MTHFS: variants seen among roughly 807,000 people sequenced by gnomAD.
The protein encoded by MTHFS is 5-formyltetrahydrofolate cyclo-ligase.
MTHFS carries 7 observed loss-of-function variants against 12.7 expected under a neutral mutation model. The observed-to-expected ratio is 0.55, with a 90% CI of 0.31 to 1.03. The LOEUF (loss-of-function observed/expected upper bound fraction) is 1.03, where lower values mean the gene tolerates loss of function less well. MTHFS is among the 50% of genes least tolerant of loss of function. MTHFS has a pLI of 0.05. For synonymous variants in MTHFS, 100 were observed against 97.1 expected, an observed-to-expected ratio of 1.03 and a Z score of -0.18; for missense variants, 252 against 258.1, an observed-to-expected ratio of 0.98 and a Z score of 0.16.
intron 2 of MTHFS, among the ~76,000 whole-genome samples, chr15:79,848,555 GA>G (rs1364851831): frequency 2.6e-5 from 4 of 152,158 alleles, no homozygotes; most frequent in Non-Finnish European, 5.9e-5. Flanking sequence ...GAAGCCAAGA[GA>G]ATAGTCAGGA....
chr15:79,874,512 G>C (rs555234476), intron 2 of MTHFS, among the ~76,000 whole-genome samples: 1 of 152,198 alleles, frequency 6.6e-6, no homozygotes, highest in African/African-American at 2.4e-5. Context: ...GCATTGTCAG[G>C]TCTTATCTTT....
chr15:79,896,766 CGCCTA>C, intron 1 of MTHFS, 101 bp downstream of exon 1: 1 of 1,372,340 alleles, frequency 7.3e-7, no homozygotes, highest in Non-Finnish European at 9.5e-7. Context: ...GGTGGGGGGG[CGCCTA>C]GCCCAGCGCC....
At chr15:79,849,655 G>A (rs655473) in intron 2 of MTHFS, among the ~76,000 whole-genome samples, 142,637 of 152,328 alleles carry the variant, frequency 0.94, 67,302 homozygotes, top group East Asian at 1. Context: ...TTTTCAAATC[G>A]CCAAAGACTC....
intron 1 of MTHFS, among the ~76,000 whole-genome samples, chr15:79,893,131 G>A (rs1455348025): frequency 3.9e-5 from 6 of 152,170 alleles, no homozygotes; most frequent in Non-Finnish European, 7.4e-5. Context: ...CTGGCCAGGC[G>A]TGGTGGCTCA....
At chr15:79,875,922 A>G (rs751567911) in intron 2 of MTHFS, 1 of 152,168 alleles carries the variant, frequency 6.6e-6, no homozygotes, top group African/African-American at 2.4e-5. Context: ...AGAAACAATC[A>G]TTGGCTCACC....
At chr15:79,874,954 C>T (rs1193604037) in intron 2 of MTHFS, among the ~76,000 whole-genome samples, 1 of 151,976 alleles carries the variant, frequency 6.6e-6, no homozygotes, top group Admixed American at 6.6e-5. Context: ...GCTTTACGAA[C>T]AATTTGTGCA....
intron 1 of MTHFS, among the ~76,000 whole-genome samples, chr15:79,892,766 C>T (rs970653249): frequency 1.3e-5 from 2 of 151,486 alleles, no homozygotes; most frequent in Admixed American, 6.6e-5. Context: ...TCCTGGCCAA[C>T]GTGGTGAAAC....
rs1185487488 is a variant in MTHFS at position 79,844,403 on chromosome 15, G to A, written c.*807C>T. 1.3e-5 allele frequency: 2 copies of A among 152,442 alleles called. No homozygotes were observed. The highest frequency in any genetic ancestry group is 6.5e-5 in the Admixed American group (1 of 15,276). The allele number at this position is 152,442 out of a possible 1,614,324, so 9.4% of individuals were successfully genotyped here. A position where few individuals can be genotyped will look rare whatever the true frequency, so the allele number is the denominator to read the frequency against. On this transcript the variant is annotated 3_prime_UTR_variant, in exon 3 of 3. Transcript: ENST00000258874. ...GACCTGGTGACAGGATGGACATGGAGTGTGAGTAAGAGAGCCACGTGACTC... is the reference window on the plus strand; with the variant it reads ...GACCTGGTGACAGGATGGACATGGAATGTGAGTAAGAGAGCCACGTGACTC...
At chr15:79,849,081 G>C (rs891741092) in intron 2 of MTHFS, among the ~76,000 whole-genome samples, 3 of 152,272 alleles carry the variant, frequency 2.0e-5, no homozygotes, top group Admixed American at 2.0e-4. Flanking sequence ...GAATGGTTTT[G>C]GATTCCCAGG....
At chr15:79,859,224 T>G (rs1596065962) in intron 2 of MTHFS, among the ~76,000 whole-genome samples, 2 of 152,366 alleles carry the variant, frequency 1.3e-5, no homozygotes, top group South Asian at 2.1e-4. Context: ...ACAAAATTCT[T>G]TTACAGTTAA....
chr15:79,871,568 T>C (rs1214046705), intron 2 of MTHFS, among the ~76,000 whole-genome samples: 1 of 152,044 alleles, frequency 6.6e-6, no homozygotes, highest in Non-Finnish European at 1.5e-5. Flanking sequence ...ATTTCCACTT[T>C]ATCTTCTTTC....
chr15:79,889,992 A>T (rs1302715708), intron 1 of MTHFS, among the ~76,000 whole-genome samples: 2 of 152,118 alleles, frequency 1.3e-5, no homozygotes, highest in South Asian at 2.1e-4. Flanking sequence ...ACATGCCTCT[A>T]CCATCCCCAT....
chr15:79,877,918 T>C (rs2034229823), intron 2 of MTHFS: 1 of 151,762 alleles, frequency 6.6e-6, no homozygotes, highest in Non-Finnish European at 1.5e-5. Flanking sequence ...CAAAACCCTT[T>C]CAAAAATAGA....
chr15:79,883,713 C>T (rs1440188843), intron 2 of MTHFS, among the ~76,000 whole-genome samples: 1 of 152,146 alleles, frequency 6.6e-6, no homozygotes, highest in Non-Finnish European at 1.5e-5. Context: ...CTTACTTTAT[C>T]CTCTCAACAA....
At chr15:79,893,006 TA>T (rs2034500929) in intron 1 of MTHFS, among the ~76,000 whole-genome samples, 1 of 152,208 alleles carries the variant, frequency 6.6e-6, no homozygotes, top group Non-Finnish European at 1.5e-5. Context: ...CATATTTTTG[TA>T]AATACTGTTT....
chr15:79,890,960 A>G (rs1282047277), intron 1 of MTHFS, among the ~76,000 whole-genome samples: 2 of 152,256 alleles, frequency 1.3e-5, no homozygotes, highest in Non-Finnish European at 2.9e-5. Flanking sequence ...GAGTTGAATA[A>G]GCAGTAATAA....
At chr15:79,897,028 TG>T, upstream of MTHFS, 1 of 1,489,598 alleles carries the variant, frequency 6.7e-7, no homozygotes, top group Non-Finnish European at 8.9e-7. Flanking sequence ...CTCGGCGCCC[TG>T]GGCGCCCTCG....
At position 79,866,596 on chromosome 15, in the gene MTHFS, C is replaced by T. The variant is rs1045246377; in HGVS notation, c.380-21154G>A. The stretch of plus-strand genomic sequence containing the variant: ...CTGGGACTGCCTCCTATTCAGTGCA[C>T]GTGCATACACAGAACACGAGGGCAA... On this transcript the variant is annotated intron_variant, in intron 2 of 2. Transcript: ENST00000258874. Among the ~76,000 whole-genome samples, 88 of 152,116 alleles carry T rather than the reference C, an allele frequency of 5.8e-4. 1 individual carries two copies. Among genetic ancestry groups the T allele is most frequent in the Non-Finnish European group, 1.8e-4 (12 of 68,016 alleles).
Position 79,878,397 on chromosome 15 carries a change from G to A in MTHFS, c.379+10696C>T, listed in dbSNP as rs369223550. 5.3e-5 allele frequency among the ~76,000 whole-genome samples: 8 copies of A among 151,452 alleles called. No individual in the cohort carries two copies. In the South Asian group the frequency reaches 6.3e-4, roughly 12 times the overall value. ...TAACTTGAGTCAAGCTTACACTGGC[G>A]CAAAGCAAAAGCAAGGATACAGAGG... is the stretch of plus-strand genomic sequence containing the variant. On this transcript the variant is annotated intron_variant, in intron 2 of 2. Coordinates refer to ENST00000258874, the MANE Select transcript of MTHFS (RefSeq NM_006441.4).
Sources: allele counts gnomAD v4.1 joint callset (sites outside exome capture counted in the v4.1 genomes callset), GRCh38; gene constraint gnomAD v4.1.1; transcripts MANE v1.5; gene names NCBI Gene and HGNC (gene_info 2026-07-23, HGNC 2026-07-21).